The following CLIC5 variants were observed in gnomAD, a reference collection of about 807,000 sequenced individuals.
The protein encoded by CLIC5 is chloride intracellular channel protein 5.
CLIC5 carries 20 observed loss-of-function variants against 24.7 expected under a neutral mutation model. That is an observed-to-expected ratio of 0.81 (90% CI 0.57 to 1.18). The LOEUF (loss-of-function observed/expected upper bound fraction) is 1.18, where lower values mean the gene tolerates loss of function less well. Among genes scored for constraint, CLIC5 ranks in the 50% most tolerant of loss-of-function variants. The pLI is 0.00. For missense variants in CLIC5, 341 were observed against 326.1 expected, an observed-to-expected ratio of 1.05 and a Z score of -0.35; for synonymous variants, 159 against 135.6, an observed-to-expected ratio of 1.17 and a Z score of -1.20.
chr6:45,939,370 C>T (rs1764051707), intron 4 of CLIC5, among the ~76,000 whole-genome samples: 1 of 151,518 alleles, frequency 6.6e-6, no homozygotes, highest in South Asian at 2.1e-4. Flanking sequence ...TGTGCCATCA[C>T]ATCTGGCTAA....
intron 1 of CLIC5, among the ~76,000 whole-genome samples, chr6:46,004,922 G>T (rs1035197166): frequency 6.6e-6 from 1 of 152,206 alleles, no homozygotes; most frequent in South Asian, 2.1e-4. Flanking sequence ...AGACACTGCT[G>T]TCTCTAGATT....
At chr6:45,991,552 A>C (rs1463622410) in intron 1 of CLIC5, among the ~76,000 whole-genome samples, 2 of 152,244 alleles carry the variant, frequency 1.3e-5, no homozygotes, top group Admixed American at 1.3e-4. Flanking sequence ...ACTGTGAGAT[A>C]AGAAAGGTAT....
chr6:45,982,358 T>C (rs893515431), intron 1 of CLIC5, among the ~76,000 whole-genome samples: 5 of 152,124 alleles, frequency 3.3e-5, no homozygotes, highest in Non-Finnish European at 7.4e-5. Flanking sequence ...GATGAGTTCA[T>C]GATATTATAA....
chr6:46,002,506 T>C (rs946113674), intron 1 of CLIC5, among the ~76,000 whole-genome samples: 9 of 152,170 alleles, frequency 5.9e-5, no homozygotes, highest in Admixed American at 4.6e-4. Context: ...CACTTTTTTT[T>C]CCCAGTGGCA....
intron 4 of CLIC5, among the ~76,000 whole-genome samples, chr6:45,923,276 C>T (rs1385752703): frequency 5.3e-5 from 8 of 152,174 alleles, no homozygotes; most frequent in African/African-American, 2.4e-5. Context: ...GATGCTCACA[C>T]ACTTAGAATG....
intron 1 of CLIC5, among the ~76,000 whole-genome samples, chr6:46,028,115 G>T (rs1198742727): frequency 6.6e-6 from 1 of 152,190 alleles, no homozygotes. Context: ...CAACATTAAT[G>T]TGGAAAGAGT....
At chr6:45,929,316 G>T (rs1315416859) in intron 4 of CLIC5, among the ~76,000 whole-genome samples, 1 of 152,186 alleles carries the variant, frequency 6.6e-6, no homozygotes, top group Admixed American at 6.5e-5. Flanking sequence ...ACCAGAGGAA[G>T]CATTTGCCCA....
At position 45,930,698 on chromosome 6, in the gene CLIC5, G is replaced by A. The variant is rs114035745; in HGVS notation, c.406+10849C>T. On this transcript the variant is annotated intron_variant, in intron 4 of 5. Transcript: ENST00000339561. The stretch of plus-strand genomic sequence containing the variant: ...GTGGACACTAGGTATGGAGGCGGGG[G>A]GAGCACTGTGAAATTAATAGCAGCA... Among the ~76,000 whole-genome samples the A allele has an allele frequency of 6.9e-3, 1,046 of 152,302 alleles. 11 individuals carry two copies. Among genetic ancestry groups the A allele is most frequent in the African/African-American group, 0.023 (975 of 41,576 alleles).
the CLIC5 span, among the ~76,000 whole-genome samples, chr6:46,109,324 A>T: frequency 1.3e-5 from 2 of 152,122 alleles, no homozygotes; most frequent in Non-Finnish European, 2.9e-5. Context: ...TTTGGAGATA[A>T]CAGTTTAATC....
chr6:46,076,193 G>C (rs561695141), intron 1 of CLIC5, among the ~76,000 whole-genome samples: 224 of 152,254 alleles, frequency 1.5e-3, no homozygotes, highest in African/African-American at 5.1e-3. Context: ...ATCATGGTCT[G>C]TGCCTCTGCA....
intron 1 of CLIC5, among the ~76,000 whole-genome samples, chr6:45,956,440 G>A (rs185353695): frequency 1.3e-4 from 19 of 151,116 alleles, no homozygotes; most frequent in Admixed American, 6.6e-4. Flanking sequence ...TAAACAATCC[G>A]ACCAATATCC....
chr6:46,033,993 C>T (rs1326311454), intron 1 of CLIC5, among the ~76,000 whole-genome samples: 3 of 152,054 alleles, frequency 2.0e-5, no homozygotes. Context: ...AGGGTAAAAC[C>T]CAGGAACTTG....
At chr6:45,906,860 C>T (rs893188999) in intron 5 of CLIC5, among the ~76,000 whole-genome samples, 9 of 152,180 alleles carry the variant, frequency 5.9e-5, no homozygotes, top group African/African-American at 2.2e-4. Flanking sequence ...CTGTGCCCGG[C>T]CACATTGACT....
At chr6:45,983,157 G>A (rs1765621632) in intron 1 of CLIC5, among the ~76,000 whole-genome samples, 2 of 152,198 alleles carry the variant, frequency 1.3e-5, no homozygotes, top group African/African-American at 4.8e-5. Flanking sequence ...TAAATCCTCA[G>A]ACCTCTGCCC....
intron 1 of CLIC5, among the ~76,000 whole-genome samples, chr6:46,036,068 T>TC (rs1454731840): frequency 2.0e-5 from 3 of 151,858 alleles, no homozygotes; most frequent in African/African-American, 7.3e-5. Context: ...TAATGACTCC[T>TC]CCCCACCCAA....
rs113212993 is a variant in CLIC5, at chr6:45,980,106, T to A, written c.64-24862A>T. Reference sequence around the variant, plus strand: ...GTGAAAGGTAGGGGTTGAGTTTCAATCTTCTGCATATGGCCAGCCTGTTAT... The same window carrying A: ...GTGAAAGGTAGGGGTTGAGTTTCAAACTTCTGCATATGGCCAGCCTGTTAT... On this transcript the variant is annotated intron_variant, in intron 1 of 5. Transcript: ENST00000339561. 5.7e-3 allele frequency among the ~76,000 whole-genome samples: 868 copies of A among 152,214 alleles called. 6 individuals carry two copies. The highest frequency in any genetic ancestry group is 0.019 in the African/African-American group (806 of 41,540).
At chr6:45,967,862 A>G (rs1765068694) in intron 1 of CLIC5, among the ~76,000 whole-genome samples, 1 of 152,080 alleles carries the variant, frequency 6.6e-6, no homozygotes, top group Non-Finnish European at 1.5e-5. Context: ...GCGAGAACTC[A>G]CTCATTACCA....
Position 45,914,526 on chromosome 6 carries a change from C to T in CLIC5, c.407-117G>A, listed in dbSNP as rs1275061249. ...CCTGTCCCCTTCATCACACTGCCAG[C>T]TCCCCACACACTGCAGAATACCTGG... On this transcript the variant is annotated intron_variant, in intron 4 of 5. Transcript: ENST00000339561. 1.0e-5 allele frequency: 13 copies of T among 1,303,010 alleles called. No individual in the cohort carries two copies. The East Asian group carries it at 2.7e-4, about 28-fold the overall frequency. 80.7% of individuals were successfully genotyped at this position (1,303,010 alleles called of 1,614,324 possible).
chr6:46,046,874 G>A (rs1767968219), intron 1 of CLIC5, among the ~76,000 whole-genome samples: 1 of 152,106 alleles, frequency 6.6e-6, no homozygotes, highest in South Asian at 2.1e-4. Flanking sequence ...TAATCACGAT[G>A]GTGGAAACAA....
Sources: gnomAD v4.1 joint callset for allele counts (sites outside exome capture counted in the v4.1 genomes callset) on GRCh38, gnomAD v4.1.1 for gene constraint, MANE v1.5 for transcripts, NCBI Gene and HGNC (gene_info 2026-07-23, HGNC 2026-07-21) for gene names.